The following STAC variants were observed in gnomAD, a reference collection of about 807,000 sequenced individuals.
STAC encodes SH3 and cysteine rich domain.
STAC carries 43 observed loss-of-function variants against 48.8 expected under a neutral mutation model. The observed-to-expected ratio is 0.88, with a 90% confidence interval of 0.69 to 1.14. The LOEUF is 1.14. STAC is among the 50% of genes most tolerant of loss of function. The pLI is 0.00. For synonymous variants in STAC, 193 were observed against 179.5 expected (o/e 1.07, Z -0.60); for missense variants, 497 against 504.0 (o/e 0.99, Z 0.13).
intron 8 of STAC, among the ~76,000 whole-genome samples, chr3:36,513,749 C>T (rs1372982239): frequency 6.6e-6 from 1 of 151,966 alleles, no homozygotes; most frequent in East Asian, 1.9e-4. Context: ...ATATCTGGTA[C>T]ATAGTAGGAC....
At chr3:36,512,127 T>C (rs918972218) in intron 8 of STAC, among the ~76,000 whole-genome samples, 1 of 152,106 alleles carries the variant, frequency 6.6e-6, no homozygotes, top group Admixed American at 6.6e-5. Context: ...ACAATTAAGG[T>C]CTTGTACATC....
intron 1 of STAC, among the ~76,000 whole-genome samples, chr3:36,422,028 C>T (rs1559485128): frequency 6.6e-6 from 1 of 151,624 alleles, no homozygotes; most frequent in African/African-American, 2.4e-5. Context: ...AGTTATGTTC[C>T]TCTTTACTAC....
At chr3:36,458,077 G>A (rs1696901564) in intron 2 of STAC, among the ~76,000 whole-genome samples, 2 of 152,168 alleles carry the variant, frequency 1.3e-5, no homozygotes, top group African/African-American at 4.8e-5. Context: ...GGGAACATAG[G>A]CAGGGAAAGA....
chr3:36,455,453 A>G (rs1000357665), intron 2 of STAC, among the ~76,000 whole-genome samples: 1 of 152,226 alleles, frequency 6.6e-6, no homozygotes, highest in Non-Finnish European at 1.5e-5. Flanking sequence ...AGACCAAGCC[A>G]TGACAGACAA....
chr3:36,488,664 T>G (rs1697881390), intron 5 of STAC, among the ~76,000 whole-genome samples: 1 of 152,126 alleles, frequency 6.6e-6, no homozygotes, highest in Admixed American at 6.5e-5. Flanking sequence ...ATTCCACGAG[T>G]GATTAGGTCC....
chr3:36,431,365 G>A (rs1700699663), intron 1 of STAC, among the ~76,000 whole-genome samples: 1 of 152,174 alleles, frequency 6.6e-6, no homozygotes, highest in African/African-American at 2.4e-5. Flanking sequence ...AATGCAGAGT[G>A]GGGAGTGGCC....
intron 6 of STAC, among the ~76,000 whole-genome samples, chr3:36,494,151 CAAAAAA>C (rs751587518): frequency 1.8e-5 from 1 of 56,904 alleles, no homozygotes; most frequent in Non-Finnish European, 3.3e-5. Flanking sequence ...GACTCCGTCT[CAAAAAA>C]AAAAAAAAAA....
intron 1 of STAC, among the ~76,000 whole-genome samples, chr3:36,417,428 TACAC>T (rs1287154616): frequency 6.6e-6 from 1 of 152,160 alleles, no homozygotes; most frequent in African/African-American, 2.4e-5. Flanking sequence ...AGTGTACTTA[TACAC>T]ACACAAACAC....
intron 2 of STAC, among the ~76,000 whole-genome samples, chr3:36,461,781 T>A (rs752051922): frequency 2.0e-5 from 3 of 152,122 alleles, no homozygotes; most frequent in Non-Finnish European, 4.4e-5. Flanking sequence ...AGAGCATACT[T>A]GGTGTCTTTA....
chr3:36,539,945 A>G (rs533891695), intron 10 of STAC, among the ~76,000 whole-genome samples: 1 of 152,346 alleles, frequency 6.6e-6, no homozygotes, highest in East Asian at 1.9e-4. Flanking sequence ...GGAATTTTGT[A>G]GATGTGATTA....
chr3:36,384,011 T>G (rs1177531771), intron 1 of STAC, among the ~76,000 whole-genome samples: 3 of 152,222 alleles, frequency 2.0e-5, no homozygotes, highest in Non-Finnish European at 4.4e-5. Context: ...CTTTATGAAA[T>G]TAGTTGAGTT....
intron 2 of STAC, among the ~76,000 whole-genome samples, chr3:36,460,723 A>G (rs1015488552): frequency 6.6e-6 from 1 of 152,198 alleles, no homozygotes; most frequent in Non-Finnish European, 1.5e-5. Context: ...GTGGATTAAA[A>G]AACATGCTTT....
At chr3:36,491,055 C>A (rs772478047) in intron 5 of STAC, among the ~76,000 whole-genome samples, 10 of 152,208 alleles carry the variant, frequency 6.6e-5, no homozygotes, top group Non-Finnish European at 1.5e-4. Flanking sequence ...CAAAGTCCAA[C>A]CATCCTCAAA....
rs1700577706 is a variant in STAC, at chr3:36,426,879, A to G, written c.112-16485A>G. Among the ~76,000 whole-genome samples the G allele has an allele frequency of 2.6e-5, 4 of 152,098 alleles. No individual in the cohort carries two copies. The South Asian group carries it at 8.3e-4, about 32-fold the overall frequency. ...TTCATCACCTCTCGACATTTTGTGA[A>G]GGTCTCATGGCTTTCATTGTTGGTC... On this transcript the variant is annotated intron_variant, in intron 1 of 10. Transcript: ENST00000273183.
chr3:36,448,120 G>A (rs1229688573), intron 2 of STAC, among the ~76,000 whole-genome samples: 3 of 151,614 alleles, frequency 2.0e-5, no homozygotes, highest in Non-Finnish European at 2.9e-5. Flanking sequence ...TTGCACATTC[G>A]GCCCACTTGA....
chr3:36,417,693 C>T (rs7644237), intron 1 of STAC, among the ~76,000 whole-genome samples: 4,190 of 152,114 alleles, frequency 0.028, 74 homozygotes, highest in African/African-American at 0.031. Context: ...TTCTCTTCAC[C>T]GGGTTCCAGC....
intron 1 of STAC, among the ~76,000 whole-genome samples, chr3:36,436,466 TTC>T (rs147485301): frequency 0.023 from 3,541 of 152,268 alleles, 61 homozygotes; most frequent in East Asian, 0.026. Context: ...TCTCTGCTCT[TTC>T]TCTCCCCCAT....
chr3:36,489,868 A>C (rs952158632), intron 5 of STAC, among the ~76,000 whole-genome samples: 5 of 152,182 alleles, frequency 3.3e-5, no homozygotes, highest in African/African-American at 1.2e-4. Context: ...CAATGAGCTA[A>C]ATCAGTGGTT....
chr3:36,432,047 C>T (rs1700717826), intron 1 of STAC, among the ~76,000 whole-genome samples: 1 of 152,202 alleles, frequency 6.6e-6, no homozygotes, highest in African/African-American at 2.4e-5. Context: ...TGATAACAAT[C>T]ATCCTGTATT....
Sources: gnomAD v4.1 joint callset for allele counts (sites outside exome capture counted in the v4.1 genomes callset) on GRCh38, gnomAD v4.1.1 for gene constraint, MANE v1.5 for transcripts, NCBI Gene and HGNC (gene_info 2026-07-23, HGNC 2026-07-21) for gene names.